Variants in MCM3AP observed in about 807,000 individuals in gnomAD.
MCM3AP encodes the protein germinal-center associated nuclear protein.
In MCM3AP, 126 loss-of-function variants were observed where a neutral mutation model predicts 184.1. That is an observed-to-expected ratio of 0.68 (90% confidence interval 0.59 to 0.79). The LOEUF is 0.79. Among genes scored for constraint, MCM3AP ranks in the 30% least tolerant of loss-of-function variants. The pLI is 0.00. For missense variants in MCM3AP, 2,496 were observed against 2,479.2 expected, an observed-to-expected ratio of 1.01 and a Z score of -0.14; for synonymous variants, 1,002 against 979.3, an observed-to-expected ratio of 1.02 and a Z score of -0.43.
Position 46,254,571 on chromosome 21 carries a change from T to G in MCM3AP, c.4002-45A>C, listed in dbSNP as rs752773847. 6.2e-6 allele frequency: 10 copies of G among 1,609,550 alleles called. No individual in the cohort carries two copies. In the East Asian group the frequency reaches 2.2e-4, roughly 36 times the overall value. ...GTGGATTAGCCAGTGTGTGAGACCC[T>G]TGCAGGAGCAGCACACACATCCTAT... is the stretch of plus-strand genomic sequence containing the variant. On this transcript the variant is annotated intron_variant, in intron 18 of 27. Transcript: ENST00000291688.
intron 9 of MCM3AP, 148 bp from the exon 10 acceptor site, chr21:46,267,290 C>G (rs2081125773): frequency 1.6e-5 from 11 of 691,566 alleles, no homozygotes; most frequent in Non-Finnish European, 2.7e-5. Flanking sequence ...CAACACGGAA[C>G]CCAAGCTTAG....
chr21:46,278,957 G>C (rs373621064), intron 4 of MCM3AP, among the ~76,000 whole-genome samples: 3 of 148,300 alleles, frequency 2.0e-5, no homozygotes, highest in Admixed American at 1.3e-4. Context: ...ACAGGCGTGA[G>C]CACTGCGCCC....
chr21:46,245,572 G>A (rs533373331), intron 22 of MCM3AP, among the ~76,000 whole-genome samples: 12 of 152,284 alleles, frequency 7.9e-5, no homozygotes, highest in African/African-American at 2.4e-4. Context: ...ATGTGCCAAG[G>A]TGCCTTCACA....
intron 11 of MCM3AP, 118 bp from the exon 12 acceptor site, chr21:46,265,641 C>T (rs920671015): frequency 2.3e-6 from 2 of 871,704 alleles, no homozygotes; most frequent in Admixed American, 5.9e-5. Flanking sequence ...GAGGACTGGC[C>T]TGCCCTCCAG....
Position 46,240,991 on chromosome 21 carries a change from G to T in MCM3AP, c.5453C>A (p.Ser1818Tyr). Residue 1818 changes from serine (S) to tyrosine (Y), a missense_variant, in exon 26 of 28, where the codon TCT becomes TAT. Coordinates refer to ENST00000291688, the MANE Select transcript of MCM3AP (RefSeq NM_003906.5). ...GRLAIKPFHP[S>Y]ANNFPIPLLH... The stretch of plus-strand genomic sequence containing the variant: ...CAATGGTATGGGAAAATTGTTTGCA[G>T]AAGGATGAAAAGGCTTTATTGCCAA... The T allele has an allele frequency of 6.2e-7, 1 of 1,613,840 alleles. No homozygotes were observed. The highest frequency in any genetic ancestry group is 8.5e-7 in the Non-Finnish European group (1 of 1,179,946).
At position 46,277,707 on chromosome 21, in the gene MCM3AP, T is replaced by C; in HGVS notation, c.1678A>G (p.Lys560Glu). 1.3e-6 allele frequency: 2 copies of C among 1,584,948 alleles called. No homozygotes were observed. Among genetic ancestry groups the C allele is most frequent in the Non-Finnish European group, 1.7e-6 (2 of 1,165,516 alleles). Residue 560 changes from lysine (K) to glutamate (E), a missense_variant, in exon 5 of 28, where the codon AAG becomes GAG. Transcript: ENST00000291688. ...SSLLNKSSPV[K>E]KPSLLKAHQF... is the part of the protein sequence containing the mutation. ...TGGGCCTTTAGAAGACTTGGCTTCT[T>C]CACTGGAGAGCTATAAAGTAAACAC...
chr21:46,271,330 T>G (rs926623856), intron 8 of MCM3AP, among the ~76,000 whole-genome samples: 4 of 150,854 alleles, frequency 2.7e-5, no homozygotes, highest in Non-Finnish European at 5.9e-5. Flanking sequence ...ACCTGGGTTT[T>G]TTTTTTTTTT....
intron 20 of MCM3AP, among the ~76,000 whole-genome samples, chr21:46,248,617 A>G (rs201748873): frequency 5.4e-4 from 56 of 104,318 alleles, no homozygotes; most frequent in East Asian, 8.4e-4. Context: ...AACAGAGAGG[A>G]AAAAAAAAAA....
At chr21:46,241,505 T>G (rs2080665121) in intron 25 of MCM3AP, 1 of 157,156 alleles carries the variant, frequency 6.4e-6, no homozygotes, top group Admixed American at 6.0e-5. Context: ...CCCCACTAAT[T>G]TCAATAATTT....
intron 9 of MCM3AP, 72 bp from the exon 10 acceptor site, chr21:46,267,214 C>G: frequency 6.8e-7 from 1 of 1,469,278 alleles, no homozygotes; most frequent in Admixed American, 1.9e-5. Context: ...AGCCCATGAC[C>G]ACAGCCATGG....
chr21:46,235,301 A>G lies in MCM3AP; in HGVS notation c.5910T>C (p.His1970=), dbSNP rs1477110554. The G allele has an allele frequency of 3.1e-6, 5 of 1,614,068 alleles. No homozygotes were observed. In the South Asian group the frequency reaches 5.5e-5, roughly 18 times the overall value. Residue 1970 remains histidine, a synonymous_variant, in exon 28 of 28, where the codon CAT becomes CAC. Coordinates refer to ENST00000291688, the MANE Select transcript of MCM3AP (RefSeq NM_003906.5). ...CCACCATGTCTAGCAGCGCAGAGAG[A>G]TGGAGCTCAGAGGCAACTTCCTCTT... ...SREEEVASEL[H]LSALLDMVDI
In MCM3AP at chr21:46,266,146, G is replaced by C; in HGVS notation, c.2810C>G (p.Ser937Cys). Reference sequence around the variant, plus strand: ...TAATCCCTCTGGTTCCAGGAATGCAGACCGGTTCAGCTCCACACAGCTACC... The same window carrying C: ...TAATCCCTCTGGTTCCAGGAATGCACACCGGTTCAGCTCCACACAGCTACC... ...VSDGCVELNR[S>C]AFLEPEGLSK... The change falls in exon 11 of 28, where the codon TCT becomes TGT. Residue 937 changes from serine to cysteine, a missense_variant. Transcript: ENST00000291688. 1 of 1,610,592 alleles carries C rather than the reference G, an allele frequency of 6.2e-7. No individual in the cohort carries two copies. The highest frequency in any genetic ancestry group is 1.1e-5 in the South Asian group (1 of 89,680).
chr21:46,237,218 C>T (rs1181673031), intron 26 of MCM3AP, among the ~76,000 whole-genome samples: 12 of 150,626 alleles, frequency 8.0e-5, no homozygotes, highest in African/African-American at 2.2e-4. Context: ...TCTCCTGCGT[C>T]AGCCTCCTGA....
chr21:46,277,954 T>C, intron 4 of MCM3AP, among the ~76,000 whole-genome samples: 1 of 152,118 alleles, frequency 6.6e-6, no homozygotes, highest in Non-Finnish European at 1.5e-5. Context: ...AAAAACAAAA[T>C]AGCCTGGGCA....
rs80176765 is a variant in MCM3AP, at chr21:46,258,189, T to C, written c.3734+750A>G. On this transcript the variant is annotated intron_variant, in intron 16 of 27. Coordinates refer to ENST00000291688, the MANE Select transcript of MCM3AP (RefSeq NM_003906.5). ...TCGCAAGCAGCTGCTGCTCGCACAA[T>C]GGACAGGGGTCTGTTGTAGAAGGAA... Among the ~76,000 whole-genome samples the C allele has an allele frequency of 3.0e-3, 461 of 152,296 alleles. 4 individuals are homozygous for C. The highest frequency in any genetic ancestry group is 0.01 in the African/African-American group (431 of 41,560).
At chr21:46,242,579 T>C (rs2080686851) in intron 25 of MCM3AP, 2 of 372,674 alleles carry the variant, frequency 5.4e-6, no homozygotes, top group Non-Finnish European at 4.8e-6. Context: ...ACTCTCCTGG[T>C]TAGGTATGAT....
At chr21:46,238,256 TTTAA>T (rs1227930799) in intron 26 of MCM3AP, among the ~76,000 whole-genome samples, 2 of 121,016 alleles carry the variant, frequency 1.7e-5, no homozygotes, top group Non-Finnish European at 3.5e-5. Context: ...GCTTATCTTA[TTTAA>T]TTTACTTTGG....
At chr21:46,279,716 G>A (rs756446044) in intron 4 of MCM3AP, among the ~76,000 whole-genome samples, 23 of 152,364 alleles carry the variant, frequency 1.5e-4, no homozygotes, top group Admixed American at 4.6e-4. Flanking sequence ...AGACAGGACA[G>A]AATCACTGCT....
chr21:46,270,613 CAA>C, intron 8 of MCM3AP, 50 bp from the exon 9 acceptor site: 1 of 1,447,704 alleles, frequency 6.9e-7, no homozygotes, highest in Non-Finnish European at 9.4e-7. Context: ...TTAAATAAGA[CAA>C]AATTTTCATG....
Sources: allele counts gnomAD v4.1 joint callset (sites outside exome capture counted in the v4.1 genomes callset), GRCh38; gene constraint gnomAD v4.1.1; transcripts MANE v1.5; gene names NCBI Gene and HGNC (gene_info 2026-07-23, HGNC 2026-07-21).